GABBR2: variants seen among roughly 807,000 people sequenced by gnomAD.
The protein encoded by GABBR2 is G-protein coupled receptor 51.
Under a neutral mutation model 105.6 loss-of-function variants are expected in GABBR2, and 23 were observed. That is an observed-to-expected ratio of 0.22 (90% CI 0.16 to 0.31). The LOEUF is 0.31. Among genes scored for constraint, GABBR2 ranks in the 10% least tolerant of loss-of-function variants. The pLI is 1.00. For synonymous variants in GABBR2, 478 were observed against 499.7 expected (o/e 0.96, Z 0.58); for missense variants, 734 against 1,245.5 (o/e 0.59, Z 6.18).
intron 3 of GABBR2, among the ~76,000 whole-genome samples, chr9:98,536,995 A>G (rs981646775): frequency 2.0e-5 from 3 of 152,074 alleles, no homozygotes; most frequent in African/African-American, 7.2e-5. Context: ...GTCTCCCACC[A>G]CCAGAGGGCG....
At chr9:98,397,013 A>C (rs1007258899) in intron 8 of GABBR2, among the ~76,000 whole-genome samples, 3 of 152,178 alleles carry the variant, frequency 2.0e-5, no homozygotes, top group Non-Finnish European at 4.4e-5. Flanking sequence ...AGGCAGGAGG[A>C]GCCTCAAATA....
intron 13 of GABBR2, among the ~76,000 whole-genome samples, chr9:98,355,741 G>T (rs1831472660): frequency 6.6e-6 from 1 of 152,266 alleles, no homozygotes; most frequent in Non-Finnish European, 1.5e-5. Context: ...GTTTACATGA[G>T]TGGCAAAAGA....
intron 13 of GABBR2, among the ~76,000 whole-genome samples, chr9:98,325,240 A>G (rs1236232998): frequency 7.1e-6 from 1 of 140,766 alleles, no homozygotes; most frequent in Admixed American, 7.0e-5. Flanking sequence ...CTGTCCCAGG[A>G]TCTGTCCTCT....
chr9:98,607,086 G>A, intron 1 of GABBR2: 1 of 1,567,888 alleles, frequency 6.4e-7, no homozygotes, highest in Non-Finnish European at 8.8e-7. Flanking sequence ...ATCTGGTTTT[G>A]ATTCACGCTA....
At chr9:98,390,871 A>T (rs561553976) in intron 9 of GABBR2, among the ~76,000 whole-genome samples, 1 of 152,138 alleles carries the variant, frequency 6.6e-6, no homozygotes, top group African/African-American at 2.4e-5. Context: ...AAAATTGACA[A>T]TAGACAAGAG....
At chr9:98,698,681 G>A (rs1830788939) in intron 1 of GABBR2, among the ~76,000 whole-genome samples, 1 of 152,080 alleles carries the variant, frequency 6.6e-6, no homozygotes, top group South Asian at 2.1e-4. Flanking sequence ...TGTATTTTTA[G>A]TAGAGACGGG....
chr9:98,376,775 C>A (rs960113388), intron 11 of GABBR2, among the ~76,000 whole-genome samples: 1 of 152,164 alleles, frequency 6.6e-6, no homozygotes, highest in Non-Finnish European at 1.5e-5. Flanking sequence ...ACAGCAGAGC[C>A]TTTCTGGGGG....
intron 6 of GABBR2, among the ~76,000 whole-genome samples, chr9:98,459,896 G>A (rs1024805571): frequency 6.6e-6 from 1 of 152,152 alleles, no homozygotes; most frequent in Non-Finnish European, 1.5e-5. Flanking sequence ...TGCTTGAAGA[G>A]TAATACATTT....
chr9:98,297,500 C>T (rs1035451920), intron 17 of GABBR2, among the ~76,000 whole-genome samples: 12 of 152,014 alleles, frequency 7.9e-5, no homozygotes, highest in East Asian at 1.9e-4. Context: ...GTAATCCCAG[C>T]TACTCAGGAG....
chr9:98,654,324 C>T (rs1337420457), intron 1 of GABBR2, among the ~76,000 whole-genome samples: 1 of 152,204 alleles, frequency 6.6e-6, no homozygotes, highest in Admixed American at 6.5e-5. Context: ...ATCTCGGCCC[C>T]AGCATGTTGT....
chr9:98,417,569 G>A (rs925224148), intron 7 of GABBR2, among the ~76,000 whole-genome samples: 1 of 152,086 alleles, frequency 6.6e-6, no homozygotes, highest in African/African-American at 2.4e-5. Context: ...TCCCTTCTCT[G>A]GGCCCCAGTT....
chr9:98,300,064 A>C (rs565305758), intron 16 of GABBR2, among the ~76,000 whole-genome samples: 16 of 149,334 alleles, frequency 1.1e-4, no homozygotes, highest in African/African-American at 3.5e-4. Context: ...GGGTCTCTCT[A>C]TGTTCCTCAG....
At chr9:98,291,305 T>G (rs1435254) in intron 18 of GABBR2, among the ~76,000 whole-genome samples, 93,223 of 152,064 alleles carry the variant, frequency 0.61, 29,674 homozygotes, top group African/African-American at 0.77. Context: ...CCATTGTAAA[T>G]TTGAAAAATG....
At chr9:98,696,494 T>G (rs1050985356) in intron 1 of GABBR2, among the ~76,000 whole-genome samples, 1 of 152,174 alleles carries the variant, frequency 6.6e-6, no homozygotes, top group African/African-American at 2.4e-5. Context: ...CTTAATTGTC[T>G]TCTGTACCTG....
chr9:98,327,870 A>AAAAAT (rs796455086), intron 13 of GABBR2, among the ~76,000 whole-genome samples: 21 of 151,066 alleles, frequency 1.4e-4, no homozygotes, highest in African/African-American at 4.4e-4. Flanking sequence ...CTGTCTCAAA[A>AAAAAT]AAAATAAAAT....
chr9:98,663,396 A>T (rs971015329), intron 1 of GABBR2, among the ~76,000 whole-genome samples: 1 of 152,198 alleles, frequency 6.6e-6, no homozygotes, highest in African/African-American at 2.4e-5. Flanking sequence ...AGCAATCGGC[A>T]TGATAGAATC....
At chr9:98,381,789 G>C (rs533150793) in intron 11 of GABBR2, among the ~76,000 whole-genome samples, 1 of 152,120 alleles carries the variant, frequency 6.6e-6, no homozygotes, top group Non-Finnish European at 1.5e-5. Context: ...TTTGTAAAGC[G>C]CTTTATGATT....
intron 2 of GABBR2, among the ~76,000 whole-genome samples, chr9:98,550,215 G>A (rs766648204): frequency 1.3e-5 from 2 of 152,244 alleles, no homozygotes; most frequent in African/African-American, 2.4e-5. Flanking sequence ...GTTAGTAATC[G>A]TATGGATAAG....
intron 1 of GABBR2, among the ~76,000 whole-genome samples, chr9:98,658,660 G>A (rs1288328819): frequency 1.3e-5 from 2 of 152,194 alleles, no homozygotes; most frequent in Non-Finnish European, 2.9e-5. Context: ...TATCCTTCAG[G>A]AGTAGGCTTC....
Sources: allele counts gnomAD v4.1 joint callset (sites outside exome capture counted in the v4.1 genomes callset), GRCh38; gene constraint gnomAD v4.1.1; transcripts MANE v1.5; gene names NCBI Gene and HGNC (gene_info 2026-07-23, HGNC 2026-07-21).